Variants in ADAMTS12 observed in about 807,000 individuals in gnomAD.
ADAMTS12 encodes the protein ADAM metallopeptidase with thrombospondin type 1 motif 12.
A neutral mutation model predicts 167.8 loss-of-function variants in ADAMTS12; 118 were observed. The ratio of observed to expected loss-of-function variants is 0.70; its 90% CI spans 0.61 to 0.82. The LOEUF (loss-of-function observed/expected upper bound fraction) is 0.82, where lower values mean the gene tolerates loss of function less well. Among genes scored for constraint, ADAMTS12 ranks in the 40% least tolerant of loss-of-function variants. The pLI, the probability that ADAMTS12 is intolerant of heterozygous loss-of-function variation, is 0.00. For synonymous variants in ADAMTS12, 704 were observed against 716.9 expected (o/e 0.98, Z 0.29); for missense variants, 1,916 against 1,998.8 (o/e 0.96, Z 0.79).
intron 9 of ADAMTS12, 152 bp from the exon 10 acceptor site, chr5:33,643,622 T>C: frequency 1.4e-6 from 1 of 693,302 alleles, no homozygotes; most frequent in Non-Finnish European, 2.5e-6. Context: ...CATTAGAGTT[T>C]TCAGTTCAAG....
intron 3 of ADAMTS12, among the ~76,000 whole-genome samples, chr5:33,739,575 C>A (rs1379465944): frequency 6.6e-6 from 1 of 152,214 alleles, no homozygotes; most frequent in African/African-American, 2.4e-5. Context: ...CCGTCATACT[C>A]TCACCTCTCT....
intron 10 of ADAMTS12, among the ~76,000 whole-genome samples, chr5:33,642,892 CTG>C (rs1738006264): frequency 6.6e-6 from 1 of 152,138 alleles, no homozygotes; most frequent in African/African-American, 2.4e-5. Context: ...TCAAACCTCT[CTG>C]TGTTCTGTGG....
intron 16 of ADAMTS12, among the ~76,000 whole-genome samples, chr5:33,604,612 G>A (rs1033893097): frequency 6.9e-6 from 1 of 144,194 alleles, no homozygotes; most frequent in Non-Finnish European, 1.5e-5. Context: ...AGCAAGACAA[G>A]AATTCAATTT....
At chr5:33,621,445 G>A (rs181370536) in intron 14 of ADAMTS12, among the ~76,000 whole-genome samples, 64 of 151,452 alleles carry the variant, frequency 4.2e-4, no homozygotes, top group South Asian at 8.4e-4. Context: ...TTGAGGATGC[G>A]GCAAAAGATA....
chr5:33,598,139 T>C (rs1738002194), intron 16 of ADAMTS12, among the ~76,000 whole-genome samples: 1 of 152,170 alleles, frequency 6.6e-6, no homozygotes, highest in African/African-American at 2.4e-5. Flanking sequence ...AAGGGATAAC[T>C]ATGTGTCAGA....
chr5:33,645,574 AT>A (rs1208168679), intron 9 of ADAMTS12, among the ~76,000 whole-genome samples: 5 of 151,154 alleles, frequency 3.3e-5, no homozygotes, highest in African/African-American at 7.3e-5. Flanking sequence ...TCCCCCTTTT[AT>A]TTTTTTTCCT....
In ADAMTS12 at chr5:33,628,792, G is replaced by T. The variant is rs1371174166; in HGVS notation, c.2022+1988C>A. 5.3e-5 allele frequency among the ~76,000 whole-genome samples: 8 copies of T among 152,140 alleles called. No individual in the cohort carries two copies. The East Asian group carries it at 1.5e-3, about 29-fold the overall frequency. On this transcript the variant is annotated intron_variant, in intron 13 of 23. Transcript: ENST00000504830. ...AGTATTTAGGCTATTAAGCATATTT[G>T]ATTTGACACCATTTTTTCAGCTTAA...
chr5:33,709,942 TAGTAG>T (rs1405144277), intron 3 of ADAMTS12, among the ~76,000 whole-genome samples: 22 of 152,134 alleles, frequency 1.4e-4, no homozygotes, highest in African/African-American at 5.3e-4. Context: ...TGAAAAAATG[TAGTAG>T]AGTAAGCAAT....
chr5:33,819,759 A>G (rs983787795), intron 2 of ADAMTS12, among the ~76,000 whole-genome samples: 3 of 152,118 alleles, frequency 2.0e-5, no homozygotes, highest in Non-Finnish European at 4.4e-5. Context: ...CTAAGGAGCC[A>G]TCTCATCTGG....
intron 21 of ADAMTS12, among the ~76,000 whole-genome samples, chr5:33,548,281 G>C (rs1357063699): frequency 2.6e-5 from 4 of 152,180 alleles, no homozygotes; most frequent in Non-Finnish European, 4.4e-5. Context: ...TCAAAGATGA[G>C]CAATCAAATC....
At chr5:33,703,215 A>G (rs889775443) in intron 3 of ADAMTS12, among the ~76,000 whole-genome samples, 2 of 152,106 alleles carry the variant, frequency 1.3e-5, no homozygotes, top group African/African-American at 4.8e-5. Context: ...TGGAGGGTGA[A>G]TTTTCTTTTC....
intron 2 of ADAMTS12, among the ~76,000 whole-genome samples, chr5:33,792,854 A>G (rs959881192): frequency 2.1e-4 from 32 of 152,258 alleles, no homozygotes; most frequent in African/African-American, 7.7e-4. Flanking sequence ...TGCTCAGTGC[A>G]CAATCTGGAC....
At chr5:33,602,478 G>A (rs1738237460) in intron 16 of ADAMTS12, among the ~76,000 whole-genome samples, 1 of 152,096 alleles carries the variant, frequency 6.6e-6, no homozygotes, top group Non-Finnish European at 1.5e-5. Context: ...TTATCTTTAT[G>A]AAGTCCTACA....
intron 11 of ADAMTS12, among the ~76,000 whole-genome samples, chr5:33,639,699 A>G (rs1328851025): frequency 1.3e-5 from 2 of 152,186 alleles, no homozygotes; most frequent in Non-Finnish European, 2.9e-5. Flanking sequence ...ACTATGTTAC[A>G]CTGCCTGACC....
At chr5:33,652,028 T>C (rs1377725416) in intron 7 of ADAMTS12, among the ~76,000 whole-genome samples, 2 of 152,208 alleles carry the variant, frequency 1.3e-5, no homozygotes, top group Non-Finnish European at 2.9e-5. Flanking sequence ...ATTTTCATTA[T>C]CCAGTCATCT....
intron 3 of ADAMTS12, among the ~76,000 whole-genome samples, chr5:33,727,677 A>T (rs1007816686): frequency 3.9e-5 from 6 of 152,026 alleles, no homozygotes; most frequent in African/African-American, 1.4e-4. Context: ...TGAGGCTTGT[A>T]TGCATCCTGT....
At chr5:33,598,892 A>G (rs1371182371) in intron 16 of ADAMTS12, among the ~76,000 whole-genome samples, 1 of 152,172 alleles carries the variant, frequency 6.6e-6, no homozygotes, top group Non-Finnish European at 1.5e-5. Context: ...GTGACTTCAG[A>G]GGCCAGATTA....
intron 3 of ADAMTS12, among the ~76,000 whole-genome samples, chr5:33,706,134 G>A (rs1743193913): frequency 6.6e-6 from 1 of 151,900 alleles, no homozygotes; most frequent in Non-Finnish European, 1.5e-5. Context: ...AAGTTTTATG[G>A]CAAAATAGAG....
chr5:33,716,809 C>T (rs1743633719), intron 3 of ADAMTS12, among the ~76,000 whole-genome samples: 1 of 152,016 alleles, frequency 6.6e-6, no homozygotes, highest in South Asian at 2.1e-4. Context: ...TCCAAAATCC[C>T]CTGAAAAGCC....
Sources: allele counts gnomAD v4.1 joint callset (sites outside exome capture counted in the v4.1 genomes callset), GRCh38; gene constraint gnomAD v4.1.1; transcripts MANE v1.5; gene names NCBI Gene and HGNC (gene_info 2026-07-23, HGNC 2026-07-21).